Variants in SKOR2 observed in about 807,000 individuals in gnomAD.
The protein encoded by SKOR2 is SKI family transcriptional corepressor 2, also known as LBX1 corepressor 1-like protein.
Under a neutral mutation model 69.1 loss-of-function variants are expected in SKOR2, and 47 were observed. The ratio of observed to expected loss-of-function variants is 0.68; its 90% CI spans 0.54 to 0.87. The LOEUF (loss-of-function observed/expected upper bound fraction) is 0.87, where lower values mean the gene tolerates loss of function less well. Among genes scored for constraint, SKOR2 ranks in the 40% least tolerant of loss-of-function variants. The probability of loss-of-function intolerance (pLI) is 0.00; values close to 1 mark genes in which losing one functional copy is unlikely to be tolerated. For synonymous variants in SKOR2, 717 were observed against 672.6 expected, an observed-to-expected ratio of 1.07 and a Z score of -1.02; for missense variants, 1,404 against 1,472.2, an observed-to-expected ratio of 0.95 and a Z score of 0.76.
rs956513460 is a variant in SKOR2, at chr18:47,251,464, C to G, written c.-138G>C. 6.6e-6 allele frequency: 1 copy of G among 152,364 alleles called. No individual in the cohort carries two copies. Among genetic ancestry groups the G allele is most frequent in the Non-Finnish European group, 1.5e-5 (1 of 68,162 alleles). The allele number at this position is 152,364 out of a possible 1,614,324, so 9.4% of individuals were successfully genotyped here. ...GAAGCATCCAAGCGGGTCCTCGTAT[C>G]CAGCGGGCGGGACTCTGGCGGGCTC... On this transcript the variant is annotated 5_prime_UTR_variant, in exon 1 of 9. Transcript: ENST00000425639.
intron 4 of SKOR2, among the ~76,000 whole-genome samples, chr18:47,242,263 CAG>C (rs1226156736): frequency 1.3e-5 from 2 of 152,130 alleles, no homozygotes; most frequent in East Asian, 3.9e-4. Context: ...AACAAATATA[CAG>C]AGACTATTAA....
At position 47,219,993 on chromosome 18, in the gene SKOR2, T is replaced by A. The variant is rs898058802; in HGVS notation, c.2935A>T (p.Met979Leu). The A allele has an allele frequency of 6.5e-7, 1 of 1,535,908 alleles. No individual in the cohort carries two copies. The highest frequency in any genetic ancestry group is 8.7e-7 in the Non-Finnish European group (1 of 1,146,862). ...TCTCGGTAGGCTAGCTCCCTTTTCA[T>A]CTGATCCTGAAAATTATCTGGTAGG... ...FPVFNNFQDQ[M>L]KRELAYREEM... The change falls in exon 7 of 9, where the codon ATG (methionine) becomes TTG (leucine). Residue 979 changes from methionine to leucine, a missense_variant. Around this residue, in one of 3 missense-constraint regions of SKOR2, gnomAD observed 1,266 missense variants for 1,309.9 expected, o/e 0.97. Coordinates refer to ENST00000425639, the MANE Select transcript of SKOR2 (RefSeq NM_001278063.4).
At chr18:47,215,346 ATGGTCC>A (rs2064140780) in intron 7 of SKOR2, among the ~76,000 whole-genome samples, 1 of 152,166 alleles carries the variant, frequency 6.6e-6, no homozygotes, top group Non-Finnish European at 1.5e-5. Flanking sequence ...CAAAATAGTA[ATGGTCC>A]TATCTACCTT....
chr18:47,248,286 CA>C lies in SKOR2; in HGVS notation c.897del (p.Gly300ValfsTer24), dbSNP rs2064292784. 8.2e-7 allele frequency: 1 copy of C among 1,212,680 alleles called. No homozygotes were observed. The highest frequency in any genetic ancestry group is 1.0e-6 in the Non-Finnish European group (1 of 978,032). The allele number at this position is 1,212,680 out of a possible 1,614,324, so 75.1% of individuals were successfully genotyped here. Reference sequence around the variant, plus strand: ...CGCTTGTGATGGGCGTGCGGGGCACCAGCCAGCTCTGCCAAGGGCGGCGGTG... The same window carrying C: ...CGCTTGTGATGGGCGTGCGGGGCACCGCCAGCTCTGCCAAGGGCGGCGGTG... Reference protein sequence around the residue: ...PPPPPPLAELAGAPHAHHKRP... With the variant: ...PPPPPPLAELXGAPHAHHKRP... On this transcript the variant is annotated frameshift_variant, in exon 2 of 9. Transcript: ENST00000425639. LOFTEE classifies it high-confidence loss of function. This position sits in a 1 kb window ranked among gnomAD's most constrained non-coding sequence, Gnocchi z 6.4.
chr18:47,234,291 A>G (rs2064211811), intron 4 of SKOR2, among the ~76,000 whole-genome samples: 1 of 152,130 alleles, frequency 6.6e-6, no homozygotes, highest in Admixed American at 6.6e-5. Flanking sequence ...GATTAAATAA[A>G]CGTGATTTAG....
intron 4 of SKOR2, among the ~76,000 whole-genome samples, chr18:47,240,368 T>C (rs2064243528): frequency 6.6e-6 from 1 of 152,200 alleles, no homozygotes; most frequent in African/African-American, 2.4e-5. Context: ...AAAACCTTAC[T>C]CTGGGATTGC....
At chr18:47,238,291 T>C (rs1265490869) in intron 4 of SKOR2, among the ~76,000 whole-genome samples, 1 of 151,624 alleles carries the variant, frequency 6.6e-6, no homozygotes, top group Non-Finnish European at 1.5e-5. Context: ...CACAGGTAAA[T>C]TTAGTAAATA....
At chr18:47,243,369 T>C (rs1568089880) in intron 4 of SKOR2, among the ~76,000 whole-genome samples, 1 of 152,246 alleles carries the variant, frequency 6.6e-6, no homozygotes, top group Non-Finnish European at 1.5e-5. Context: ...GGAATGTTTC[T>C]AAAATTGTTT....
intron 4 of SKOR2, among the ~76,000 whole-genome samples, chr18:47,232,982 A>C (rs1210547192): frequency 6.6e-6 from 1 of 152,180 alleles, no homozygotes. Context: ...AATTTTCAAC[A>C]TGATATTATC....
At chr18:47,240,974 G>C (rs1049287904) in intron 4 of SKOR2, among the ~76,000 whole-genome samples, 2 of 152,088 alleles carry the variant, frequency 1.3e-5, no homozygotes, top group African/African-American at 4.8e-5. Flanking sequence ...CAATAATAAT[G>C]GTTGAATTAA....
At chr18:47,232,143 ATAAAT>A (rs2064202162) in intron 4 of SKOR2, among the ~76,000 whole-genome samples, 1 of 152,056 alleles carries the variant, frequency 6.6e-6, no homozygotes, top group African/African-American at 2.4e-5. Context: ...AAACAAATAA[ATAAAT>A]AAAATAAAAA....
Position 47,248,159 on chromosome 18 carries a change from G to C in SKOR2, c.1025C>G (p.Ser342Trp). ...GCCCCCACCAGTCCCCGCGCCGCCC[G>C]AAGCAGCAGCCACAGAGAGGCTGGC... ...AAASLSVAAA[S>W]GGAGTGGGGA... Residue 342 changes from serine (S) to tryptophan (W), a missense_variant, in exon 2 of 9, where the codon TCG becomes TGG. Around this residue, in one of 3 missense-constraint regions of SKOR2, gnomAD observed 1,266 missense variants for 1,309.9 expected, o/e 0.97. Coordinates refer to ENST00000425639, the MANE Select transcript of SKOR2 (RefSeq NM_001278063.4). This position sits in a 1 kb window ranked among gnomAD's most constrained non-coding sequence, Gnocchi z 6.4. 1 of 1,253,392 alleles carries C rather than the reference G, an allele frequency of 8.0e-7. No homozygotes were observed. The highest frequency in any genetic ancestry group is 9.9e-7 in the Non-Finnish European group (1 of 1,005,472). The allele number at this position is 1,253,392 out of a possible 1,614,324, so 77.6% of individuals were successfully genotyped here.
rs78055787 is a variant in SKOR2 at position 47,209,743 on chromosome 18, A to T, written c.*3+2343T>A. 2.6e-5 allele frequency among the ~76,000 whole-genome samples: 4 copies of T among 152,040 alleles called. No individual in the cohort carries two copies. The East Asian group carries it at 7.7e-4, about 29-fold the overall frequency. On this transcript the variant is annotated intron_variant, in intron 8 of 8. Transcript: ENST00000425639. ...ATGGGCTCAGGTCTGACAAACAGGG[A>T]AGATGGGTTGGGGAAGTGTAAGGAG...
At chr18:47,217,419 G>A (rs1219853527) in intron 7 of SKOR2, among the ~76,000 whole-genome samples, 1 of 152,172 alleles carries the variant, frequency 6.6e-6, no homozygotes, top group African/African-American at 2.4e-5. Flanking sequence ...AGATGTTAAA[G>A]CTCATCTCTG....
At chr18:47,216,759 A>C (rs759712915) in intron 7 of SKOR2, among the ~76,000 whole-genome samples, 50 of 152,268 alleles carry the variant, frequency 3.3e-4, no homozygotes, top group Admixed American at 1.7e-3. Flanking sequence ...ATATATTTGA[A>C]TTCTCCTTGA....
chr18:47,216,743 G>A (rs956661853), intron 7 of SKOR2, among the ~76,000 whole-genome samples: 1 of 151,946 alleles, frequency 6.6e-6, no homozygotes, highest in African/African-American at 2.4e-5. Context: ...AAATATGATG[G>A]TTTTAATATA....
Position 47,246,699 on chromosome 18 carries a change from G to A in SKOR2, c.2485C>T (p.Pro829Ser). ...GGGGGCGGGGGCAGGTCCGAGCCGGGGTCCCCGAGTTTCCCGTCTTCCTGC... is the reference window on the plus strand; with the variant it reads ...GGGGGCGGGGGCAGGTCCGAGCCGGAGTCCCCGAGTTTCCCGTCTTCCTGC... ...LLQEDGKLGD[P>S]GSDLPPPPPP... Residue 829 changes from proline to serine, a missense_variant, in exon 2 of 9, where the codon CCC (proline) becomes TCC (serine). By Grantham distance (74) the Pro-to-Ser change is moderately conservative (BLOSUM62 -1). Transcript: ENST00000425639. 1.4e-6 allele frequency: 2 copies of A among 1,461,040 alleles called. No homozygotes were observed. The highest frequency in any genetic ancestry group is 1.8e-6 in the Non-Finnish European group (2 of 1,120,232). The allele number at this position is 1,461,040 out of a possible 1,614,324, so 90.5% of individuals were successfully genotyped here.
chr18:47,250,717 C>CCT (rs1192119308), intron 1 of SKOR2, among the ~76,000 whole-genome samples: 1 of 152,170 alleles, frequency 6.6e-6, no homozygotes, highest in African/African-American at 2.4e-5. Context: ...CTCCAGGAAG[C>CCT]TTGAACAAAC....
chr18:47,219,888 G>A, intron 7 of SKOR2, 55 bp downstream of exon 7: 1 of 1,453,388 alleles, frequency 6.9e-7, no homozygotes, highest in Non-Finnish European at 9.3e-7. Flanking sequence ...ATATTGGGTA[G>A]TCTGAAAACA....
Sources: allele counts gnomAD v4.1 joint callset (sites outside exome capture counted in the v4.1 genomes callset), GRCh38; gene constraint gnomAD v4.1.1; regional missense constraint gnomAD v4.1.1; non-coding constraint Gnocchi (gnomAD v3.1); transcripts MANE v1.5; gene names NCBI Gene and HGNC (gene_info 2026-07-23, HGNC 2026-07-21).